The following POU6F2 variants were observed in gnomAD, a reference collection of about 807,000 sequenced individuals.
POU6F2 encodes POU domain, class 6, transcription factor 2.
POU6F2 carries 31 observed loss-of-function variants against 71.3 expected under a neutral mutation model. That is an observed-to-expected ratio of 0.43 (90% CI 0.33 to 0.59). The LOEUF (loss-of-function observed/expected upper bound fraction) is 0.59, where lower values mean the gene tolerates loss of function less well. POU6F2 is among the 20% of genes least tolerant of loss of function. The pLI is 0.04. For synonymous variants in POU6F2, 347 were observed against 355.7 expected (o/e 0.98, Z 0.27); for missense variants, 783 against 856.8 (o/e 0.91, Z 1.07).
At chr7:38,981,453 T>C (rs1321299364) in intron 1 of POU6F2, among the ~76,000 whole-genome samples, 1 of 152,214 alleles carries the variant, frequency 6.6e-6, no homozygotes, top group Non-Finnish European at 1.5e-5. Flanking sequence ...TGAGGGTCCC[T>C]GTTGGCTTCA....
At chr7:39,194,400 G>A (rs1021576465) in intron 2 of POU6F2, among the ~76,000 whole-genome samples, 9 of 152,228 alleles carry the variant, frequency 5.9e-5, no homozygotes, top group African/African-American at 2.2e-4. Context: ...AGCCAGCTGG[G>A]CTTCTGGGTC....
intron 4 of POU6F2, among the ~76,000 whole-genome samples, chr7:39,285,296 G>T (rs1370269370): frequency 2.0e-5 from 3 of 152,188 alleles, no homozygotes; most frequent in Non-Finnish European, 2.9e-5. Context: ...TTCCATGCAT[G>T]ATGCACAGAT....
chr7:39,134,432 A>G (rs553845974), intron 2 of POU6F2, among the ~76,000 whole-genome samples: 1 of 152,298 alleles, frequency 6.6e-6, no homozygotes, highest in African/African-American at 2.4e-5. Context: ...CCATTGCTGT[A>G]AGATCCACAG....
chr7:39,214,990 T>A (rs1794211925), intron 4 of POU6F2, among the ~76,000 whole-genome samples: 1 of 152,182 alleles, frequency 6.6e-6, no homozygotes, highest in South Asian at 2.1e-4. Context: ...TGGATATATG[T>A]TTGCATTTAC....
At chr7:39,432,685 G>A (rs1027677734) in intron 6 of POU6F2, among the ~76,000 whole-genome samples, 4 of 152,038 alleles carry the variant, frequency 2.6e-5, no homozygotes, top group African/African-American at 9.7e-5. Flanking sequence ...GGAGCCCCCC[G>A]GGGTTGGGGG....
intron 7 of POU6F2, among the ~76,000 whole-genome samples, chr7:39,434,053 AG>A (rs1788171851): frequency 6.6e-6 from 1 of 152,230 alleles, no homozygotes; most frequent in African/African-American, 2.4e-5. Flanking sequence ...GTCCTGTGAC[AG>A]GGCAGGTATC....
chr7:39,013,158 T>G, intron 1 of POU6F2: 1 of 155,804 alleles, frequency 6.4e-6, no homozygotes. Context: ...GATCTCAGAC[T>G]GCTGTGCTAG....
At chr7:39,388,080 T>C (rs1180882153) in intron 5 of POU6F2, among the ~76,000 whole-genome samples, 1 of 152,238 alleles carries the variant, frequency 6.6e-6, no homozygotes, top group Non-Finnish European at 1.5e-5. Context: ...TGTTTTTCAA[T>C]CTTTATAAAA....
intron 6 of POU6F2, among the ~76,000 whole-genome samples, chr7:39,419,007 G>A (rs942776110): frequency 1.4e-5 from 2 of 138,972 alleles, no homozygotes; most frequent in African/African-American, 2.6e-5. Flanking sequence ...GTATATATGT[G>A]TATATATGTA....
intron 1 of POU6F2, among the ~76,000 whole-genome samples, chr7:38,990,065 A>G (rs1249305500): frequency 6.6e-6 from 1 of 152,092 alleles, no homozygotes; most frequent in Non-Finnish European, 1.5e-5. Flanking sequence ...CTTATTTGCA[A>G]GATAAGTTTG....
chr7:39,279,457 A>T (rs554191269), intron 4 of POU6F2, among the ~76,000 whole-genome samples: 1 of 152,220 alleles, frequency 6.6e-6, no homozygotes, highest in Non-Finnish European at 1.5e-5. Flanking sequence ...ATGAAATAAT[A>T]CATTGTTTTC....
chr7:39,000,480 C>T lies in POU6F2; in HGVS notation c.105+22422C>T, dbSNP rs149353479. Among the ~76,000 whole-genome samples the T allele has an allele frequency of 6.6e-5, 10 of 151,818 alleles. No individual in the cohort carries two copies. The East Asian group carries it at 1.9e-3, about 29-fold the overall frequency. On this transcript the variant is annotated intron_variant, in intron 1 of 9. Coordinates refer to ENST00000518318, the MANE Select transcript of POU6F2 (RefSeq NM_001370959.1). ...CTGTCTATCTTCTGCTAAATGTTCT[C>T]TTCATTTCTTCTACATCTCCACCCT...
chr7:39,008,477 G>T (rs1234857618), intron 1 of POU6F2, among the ~76,000 whole-genome samples: 1 of 150,314 alleles, frequency 6.7e-6, no homozygotes, highest in Non-Finnish European at 1.5e-5. Flanking sequence ...TAGGTTGCCT[G>T]TTCACTCTGA....
chr7:39,087,151 A>T (rs57278199), intron 2 of POU6F2, among the ~76,000 whole-genome samples: 2,779 of 58,820 alleles, frequency 0.047, 38 homozygotes, highest in South Asian at 0.1. Flanking sequence ...TTTATTAATT[A>T]ATTAATTAAT....
chr7:39,353,258 A>G (rs1037495922), intron 5 of POU6F2, among the ~76,000 whole-genome samples: 1 of 152,236 alleles, frequency 6.6e-6, no homozygotes, highest in African/African-American at 2.4e-5. Context: ...ACTTGTACAA[A>G]TATCAGCCTA....
At chr7:38,986,753 C>A (rs1427758420) in intron 1 of POU6F2, among the ~76,000 whole-genome samples, 3 of 152,070 alleles carry the variant, frequency 2.0e-5, no homozygotes, top group Non-Finnish European at 4.4e-5. Context: ...TATCCTGATT[C>A]CACTCGCCAC....
intron 2 of POU6F2, among the ~76,000 whole-genome samples, chr7:39,166,357 G>T (rs984852203): frequency 7.2e-5 from 11 of 152,170 alleles, no homozygotes; most frequent in African/African-American, 2.4e-4. Flanking sequence ...ATTAACGGGA[G>T]TTAGACTTTC....
chr7:39,027,568 C>T (rs1165689604), intron 1 of POU6F2, among the ~76,000 whole-genome samples: 2 of 152,116 alleles, frequency 1.3e-5, no homozygotes, highest in Non-Finnish European at 2.9e-5. Flanking sequence ...GCTTTTCTGT[C>T]GTTTTATATT....
intron 4 of POU6F2, among the ~76,000 whole-genome samples, chr7:39,218,995 C>T (rs1294000472): frequency 6.6e-6 from 1 of 152,034 alleles, no homozygotes; most frequent in East Asian, 1.9e-4. Context: ...GAAGGAGCAC[C>T]ATTCTTCAAG....
Sources: gnomAD v4.1 joint callset for allele counts (sites outside exome capture counted in the v4.1 genomes callset) on GRCh38, gnomAD v4.1.1 for gene constraint, MANE v1.5 for transcripts, NCBI Gene and HGNC (gene_info 2026-07-23, HGNC 2026-07-21) for gene names.